The following AUTS2 variants were observed in gnomAD, a reference collection of about 807,000 sequenced individuals.
The protein encoded by AUTS2 is activator of transcription and developmental regulator AUTS2, also known as autism susceptibility gene 2 protein.
In AUTS2, 17 loss-of-function variants were observed where a neutral mutation model predicts 112.4. The observed-to-expected ratio is 0.15, with a 90% CI of 0.10 to 0.23. AUTS2 has a LOEUF of 0.23. Among genes scored for constraint, AUTS2 ranks in the 10% least tolerant of loss-of-function variants. The probability of loss-of-function intolerance (pLI) is 1.00; values close to 1 mark genes in which losing one functional copy is unlikely to be tolerated. For missense variants in AUTS2, 1,510 were observed against 1,701.6 expected (o/e 0.89, Z 1.98); for synonymous variants, 751 against 702.7 (o/e 1.07, Z -1.09).
rs372588361 is a variant in AUTS2 at position 70,134,631 on chromosome 7, T to C, written c.660+60T>C. Reference sequence around the variant, plus strand: ...CATTGGCATTGATTTCCTTCTATAATGAATGCTCATTGGGATATGAAAAAA... The same window carrying C: ...CATTGGCATTGATTTCCTTCTATAACGAATGCTCATTGGGATATGAAAAAA... On this transcript the variant is annotated intron_variant, in intron 4 of 18. Transcript: ENST00000342771. 5.5e-6 allele frequency: 8 copies of C among 1,464,066 alleles called. No homozygotes were observed. The African/African-American group carries it at 8.4e-5, about 15-fold the overall frequency. 90.7% of individuals were successfully genotyped at this position (1,464,066 alleles called of 1,614,324 possible). A position where few individuals can be genotyped will look rare whatever the true frequency, so the allele number is the denominator to read the frequency against.
At chr7:69,699,732 C>T (rs1388226793) in intron 1 of AUTS2, among the ~76,000 whole-genome samples, 2 of 150,198 alleles carry the variant, frequency 1.3e-5, no homozygotes, top group African/African-American at 2.5e-5. Context: ...GCAACCTCTG[C>T]CTCTCAGGTT....
At chr7:69,952,265 AT>A (rs1467689264) in intron 2 of AUTS2, among the ~76,000 whole-genome samples, 1 of 152,206 alleles carries the variant, frequency 6.6e-6, no homozygotes, top group Non-Finnish European at 1.5e-5. Context: ...GAAAAATGAT[AT>A]TAAATTAACC....
intron 4 of AUTS2, among the ~76,000 whole-genome samples, chr7:70,185,343 G>T (rs1390542292): frequency 7.1e-6 from 1 of 140,488 alleles, no homozygotes; most frequent in East Asian, 2.2e-4. Flanking sequence ...CTGGCCTCAA[G>T]TGATCCTCCT....
intron 6 of AUTS2, among the ~76,000 whole-genome samples, chr7:70,723,723 A>T (rs1480877241): frequency 6.7e-6 from 1 of 149,422 alleles, no homozygotes; most frequent in Admixed American, 6.8e-5. Context: ...TTTTCAATAA[A>T]ACAAACTTGT....
intron 1 of AUTS2, among the ~76,000 whole-genome samples, chr7:69,641,703 A>AT (rs2129119903): frequency 6.6e-6 from 1 of 152,290 alleles, no homozygotes; most frequent in Admixed American, 6.5e-5. Context: ...TTTCAGTTAC[A>AT]TTTTTTAAGG....
chr7:69,969,050 G>A lies in AUTS2; in HGVS notation c.522+69552G>A, dbSNP rs532234520. Among the ~76,000 whole-genome samples the A allele has an allele frequency of 4.9e-4, 74 of 152,092 alleles. 1 individual carries two copies. Among genetic ancestry groups the A allele is most frequent in the African/African-American group, 1.7e-3 (72 of 41,506 alleles). ...AGGATTGGGAAAGATTGTGGTTTGG[G>A]ATTTTTTTTTCTCAGTAGATTACTT... is the stretch of plus-strand genomic sequence containing the variant. On this transcript the variant is annotated intron_variant, in intron 2 of 18. Coordinates refer to ENST00000342771, the MANE Select transcript of AUTS2 (RefSeq NM_015570.4).
At chr7:69,783,390 C>T (rs924834911) in intron 1 of AUTS2, among the ~76,000 whole-genome samples, 2 of 151,996 alleles carry the variant, frequency 1.3e-5, no homozygotes, top group Admixed American at 1.3e-4. Flanking sequence ...GGACACTGGC[C>T]ATTTGAGTAG....
In AUTS2 at chr7:70,134,520, T is replaced by G. The variant is rs1562726833; in HGVS notation, c.625-16T>G. 1 of 1,613,506 alleles carries G rather than the reference T, an allele frequency of 6.2e-7. No individual in the cohort carries two copies. Among genetic ancestry groups the G allele is most frequent in the Admixed American group, 1.7e-5 (1 of 60,006 alleles). On this transcript the variant is annotated splice_polypyrimidine_tract_variant and intron_variant, in intron 3 of 18. Coordinates refer to ENST00000342771, the MANE Select transcript of AUTS2 (RefSeq NM_015570.4). ...CATTGCTGATTTTCCACTTTTGTCT[T>G]TATGCTTTATTGCAGAGTTCAGCTC... is the stretch of plus-strand genomic sequence containing the variant.
intron 3 of AUTS2, among the ~76,000 whole-genome samples, chr7:70,127,025 C>A (rs1276384979): frequency 6.6e-6 from 1 of 152,112 alleles, no homozygotes; most frequent in Non-Finnish European, 1.5e-5. Flanking sequence ...TGGGGTTTTA[C>A]CATGTTGGCC....
intron 5 of AUTS2, among the ~76,000 whole-genome samples, chr7:70,649,942 A>G (rs1415552264): frequency 1.3e-5 from 2 of 152,190 alleles, no homozygotes. Context: ...CAGCCAAGAC[A>G]TTCCAGCCAC....
intron 5 of AUTS2, among the ~76,000 whole-genome samples, chr7:70,470,756 GT>G (rs1797348395): frequency 6.6e-6 from 1 of 152,162 alleles, no homozygotes; most frequent in African/African-American, 2.4e-5. Context: ...GAGATGGTCT[GT>G]AACCCCACCG....
chr7:70,031,548 A>G (rs865942978), intron 2 of AUTS2, among the ~76,000 whole-genome samples: 1 of 152,140 alleles, frequency 6.6e-6, no homozygotes, highest in African/African-American at 2.4e-5. Context: ...AAAGAATTAG[A>G]TGTTAGAACA....
At chr7:70,217,526 T>TA (rs1324375172) in intron 4 of AUTS2, among the ~76,000 whole-genome samples, 6 of 152,198 alleles carry the variant, frequency 3.9e-5, no homozygotes, top group African/African-American at 1.4e-4. Flanking sequence ...CTGCAAAGAC[T>TA]AAAAAACGAA....
At chr7:70,488,324 C>G (rs1020096342) in intron 5 of AUTS2, among the ~76,000 whole-genome samples, 47 of 152,230 alleles carry the variant, frequency 3.1e-4, no homozygotes, top group Non-Finnish European at 7.3e-5. Flanking sequence ...TCTGCCCAGC[C>G]TGGAGAGTGC....
rs1361202718 is a variant in AUTS2, at chr7:70,388,272, C to T, written c.661-47480C>T. 2.6e-5 allele frequency among the ~76,000 whole-genome samples: 4 copies of T among 152,236 alleles called. No homozygotes were observed. In the East Asian group the frequency reaches 7.7e-4, roughly 29 times the overall value. The stretch of plus-strand genomic sequence containing the variant: ...GTGGAGGGTAGGAAAGGACATTTAG[C>T]ACTTTGTCTTGTATTTCCATTATTT... On this transcript the variant is annotated intron_variant, in intron 4 of 18. Coordinates refer to ENST00000342771, the MANE Select transcript of AUTS2 (RefSeq NM_015570.4).
At chr7:70,688,546 G>T (rs1808583168) in intron 5 of AUTS2, among the ~76,000 whole-genome samples, 1 of 152,206 alleles carries the variant, frequency 6.6e-6, no homozygotes, top group Non-Finnish European at 1.5e-5. Flanking sequence ...AACAAATCAT[G>T]GCCGGGTGCA....
At chr7:69,986,584 C>A (rs1798524416) in intron 2 of AUTS2, among the ~76,000 whole-genome samples, 1 of 152,190 alleles carries the variant, frequency 6.6e-6, no homozygotes, top group South Asian at 2.1e-4. Flanking sequence ...TTCCAGTATT[C>A]CTGAGGGTCT....
intron 5 of AUTS2, among the ~76,000 whole-genome samples, chr7:70,585,601 G>T (rs1196721231): frequency 3.3e-5 from 5 of 152,128 alleles, no homozygotes; most frequent in Non-Finnish European, 7.4e-5. Flanking sequence ...GTGACCATAG[G>T]TCCTGGTTTG....
intron 2 of AUTS2, among the ~76,000 whole-genome samples, chr7:70,003,378 AAT>A (rs1379928695): frequency 7.9e-6 from 1 of 125,944 alleles, no homozygotes; most frequent in Non-Finnish European, 1.6e-5. Context: ...TATATATGTG[AAT>A]ATATATAACA....
Sources: allele counts gnomAD v4.1 joint callset (sites outside exome capture counted in the v4.1 genomes callset), GRCh38; gene constraint gnomAD v4.1.1; transcripts MANE v1.5; gene names NCBI Gene and HGNC (gene_info 2026-07-23, HGNC 2026-07-21).